The following C2 variants were observed in gnomAD, a reference collection of about 807,000 sequenced individuals.
The protein encoded by C2 is C3/C5 convertase.
A neutral mutation model predicts 85.2 loss-of-function variants in C2; 64 were observed. The observed-to-expected ratio is 0.75, with a 90% CI of 0.61 to 0.92. The LOEUF (loss-of-function observed/expected upper bound fraction) is 0.92. Among genes scored for constraint, C2 ranks in the 40% least tolerant of loss-of-function variants. The probability of loss-of-function intolerance (pLI) is 0.00; values close to 1 mark genes in which losing one functional copy is unlikely to be tolerated. For synonymous variants in C2, 311 were observed against 370.8 expected, an observed-to-expected ratio of 0.84 and a Z score of 1.85; for missense variants, 820 against 971.6, an observed-to-expected ratio of 0.84 and a Z score of 2.07.
In C2 at chr6:31,945,398, C is replaced by T. The variant is rs776056146; in HGVS notation, c.*41C>T. The T allele has an allele frequency of 1.6e-5, 25 of 1,585,292 alleles. No homozygotes were observed. The highest frequency in any genetic ancestry group is 3.3e-5 in the Admixed American group (2 of 59,966). ...CCTCTGCTGCCCTGCCAGAATCTGC[C>T]GCCCCTCCATCTTCTACCTCTGAAT... On this transcript the variant is annotated 3_prime_UTR_variant, in exon 18 of 18. Transcript: ENST00000299367. The surrounding 1 kb of genome is among the most constrained non-coding windows in gnomAD (Gnocchi z 5.3).
Position 31,933,395 on chromosome 6 carries a change from A to T in C2, c.443-215A>T, listed in dbSNP as rs574506071. 2.6e-5 allele frequency among the ~76,000 whole-genome samples: 4 copies of T among 152,260 alleles called. No homozygotes were observed. In the South Asian group the frequency reaches 8.3e-4, roughly 32 times the overall value. Reference sequence around the variant, plus strand: ...TAGCCGTTTTGATGGGTGTGTAGGGATGCCTCACTGTGGTTTATGAAATAT... The same window carrying T: ...TAGCCGTTTTGATGGGTGTGTAGGGTTGCCTCACTGTGGTTTATGAAATAT... On this transcript the variant is annotated intron_variant, in intron 3 of 17. Transcript: ENST00000299367.
chr6:31,931,589 C>A (rs1475917924), intron 3 of C2, among the ~76,000 whole-genome samples: 1 of 152,004 alleles, frequency 6.6e-6, no homozygotes, highest in African/African-American at 2.4e-5. Flanking sequence ...GGTAAGGTCA[C>A]CGATCAACAG....
chr6:31,915,260 C>T (rs574388586), upstream of C2, among the ~76,000 whole-genome samples: 8 of 152,170 alleles, frequency 5.3e-5, no homozygotes, highest in Non-Finnish European at 8.8e-5. Context: ...TCTCCTTCCT[C>T]CCTGGTCTAG....
Position 31,943,018 on chromosome 6 carries a change from G to A in C2, c.1279G>A (p.Gly427Arg). 1 of 1,613,076 alleles carries A rather than the reference G, an allele frequency of 6.2e-7. No individual in the cohort carries two copies. The highest frequency in any genetic ancestry group is 8.5e-7 in the Non-Finnish European group (1 of 1,180,024). The change falls in exon 10 of 18, where the codon GGG becomes AGG. Residue 427 changes from glycine (G) to arginine (R), a missense_variant. Coordinates refer to ENST00000299367, the MANE Select transcript of C2 (RefSeq NM_000063.6). The surrounding 1 kb of genome is among the most constrained non-coding windows in gnomAD (Gnocchi z 6.4). ...GGACTGGAGAGAACTGAATGAGCTAGGGTCCAAGAAGGATGGTGAGAGGCA... is the reference window on the plus strand; with the variant it reads ...GGACTGGAGAGAACTGAATGAGCTAAGGTCCAAGAAGGATGGTGAGAGGCA... ...DVDWRELNELGSKKDGERHAF... is the reference protein window; with the variant it reads ...DVDWRELNELRSKKDGERHAF...
At chr6:31,912,751 A>G (rs1582028037) in intron 1 of C2, among the ~76,000 whole-genome samples, 1 of 151,822 alleles carries the variant, frequency 6.6e-6, no homozygotes, top group East Asian at 1.9e-4. Flanking sequence ...GAGGCAGGAG[A>G]ATCGCTTGAA....
intron 9 of C2, chr6:31,941,793 CCA>C (rs917481173): frequency 7.2e-5 from 11 of 151,866 alleles, no homozygotes; most frequent in African/African-American, 2.7e-4. Flanking sequence ...GCATGAGTCA[CCA>C]CCATGCCCAG....
Position 31,904,987 on chromosome 6 carries a change from A to T in C2, c.73+3848A>T, listed in dbSNP as rs1767621963. Among the ~76,000 whole-genome samples the T allele has an allele frequency of 6.6e-6, 1 of 152,006 alleles. No individual in the cohort carries two copies. The highest frequency in any genetic ancestry group is 1.5e-5 in the Non-Finnish European group (1 of 68,014). ...GAGAGATGATGTGGAGCCATTTCCC[A>T]TGCATCCCATCCAGGGGGTTTACAA... On this transcript the variant is annotated intron_variant, in intron 1 of 3. Transcript: ENST00000452202. This position sits in a 1 kb window ranked among gnomAD's most constrained non-coding sequence, Gnocchi z 4.4.
At chr6:31,929,779 T>C (rs533734750) in intron 3 of C2, among the ~76,000 whole-genome samples, 1 of 148,328 alleles carries the variant, frequency 6.7e-6, no homozygotes, top group South Asian at 2.1e-4. Context: ...ATCCCAGCAC[T>C]TTGGGAGGCT....
Position 31,927,839 on chromosome 6 carries a change from G to C in C2, c.46+41G>C, listed in dbSNP as rs1459067068. 3.1e-6 allele frequency: 5 copies of C among 1,604,742 alleles called. No individual in the cohort carries two copies. In the African/African-American group the frequency reaches 5.4e-5, roughly 17 times the overall value. On this transcript the variant is annotated intron_variant, in intron 1 of 17. Coordinates refer to ENST00000299367, the MANE Select transcript of C2 (RefSeq NM_000063.6). The surrounding 1 kb of genome is among the most constrained non-coding windows in gnomAD (Gnocchi z 4.7). ...GGGGGAACGTCAGGGTCCTGTGTGT[G>C]AGGTTGGTGCTCCCAGCTTGAATTC... is the stretch of plus-strand genomic sequence containing the variant.
At chr6:31,915,970 C>A (rs1312393210), upstream of C2, among the ~76,000 whole-genome samples, 2 of 152,222 alleles carry the variant, frequency 1.3e-5, no homozygotes, top group African/African-American at 2.4e-5. Flanking sequence ...CGTGTCACAG[C>A]GTTCCTACCC....
chr6:31,912,724 C>T (rs1768198356), intron 1 of C2, among the ~76,000 whole-genome samples: 1 of 151,856 alleles, frequency 6.6e-6, no homozygotes, highest in Admixed American at 6.6e-5. Flanking sequence ...CCTGTAATCC[C>T]AGCTACTCAG....
chr6:31,938,897 C>T (rs1486885980), intron 8 of C2, among the ~76,000 whole-genome samples: 1 of 152,184 alleles, frequency 6.6e-6, no homozygotes, highest in African/African-American at 2.4e-5. Context: ...AGGTGATCCA[C>T]CTGCCTTGGC....
At chr6:31,930,465 C>T (rs1353754924) in intron 3 of C2, among the ~76,000 whole-genome samples, 1 of 152,196 alleles carries the variant, frequency 6.6e-6, no homozygotes, top group Non-Finnish European at 1.5e-5. Flanking sequence ...ATCTTCCTAC[C>T]TCAGCCTCCT....
intron 3 of C2, among the ~76,000 whole-genome samples, chr6:31,931,167 T>G (rs1316403883): frequency 3.3e-5 from 5 of 152,260 alleles, no homozygotes; most frequent in Non-Finnish European, 2.9e-5. Context: ...AGTATTCCAT[T>G]ATATGGGTAT....
At chr6:31,931,051 C>T (rs796914084) in intron 3 of C2, among the ~76,000 whole-genome samples, 3 of 152,150 alleles carry the variant, frequency 2.0e-5, no homozygotes, top group Non-Finnish European at 2.9e-5. Context: ...TGGAATCATG[C>T]GGGATGTGGT....
chr6:31,942,645 TA>T (rs1297196468), intron 9 of C2, among the ~76,000 whole-genome samples: 2 of 151,694 alleles, frequency 1.3e-5, no homozygotes, highest in African/African-American at 4.8e-5. Flanking sequence ...AGCCAAGACT[TA>T]AAAAGGTACG....
intron 7 of C2, 182 bp downstream of exon 7, chr6:31,936,243 A>G (rs757480451): frequency 4.7e-5 from 31 of 654,444 alleles, no homozygotes; most frequent in Non-Finnish European, 7.6e-5. Context: ...CCCCCAGCTC[A>G]TAGCTCATTC....
intron 1 of C2, among the ~76,000 whole-genome samples, chr6:31,905,596 T>C (rs1360490574): frequency 8.7e-6 from 1 of 115,458 alleles, no homozygotes. Context: ...GCGAGACACC[T>C]GTCTCAAAAA....
At chr6:31,906,724 C>T (rs1767735900) in intron 1 of C2, among the ~76,000 whole-genome samples, 1 of 151,874 alleles carries the variant, frequency 6.6e-6, no homozygotes, top group African/African-American at 2.4e-5. Flanking sequence ...CCAGGCCTGC[C>T]TGTGTCCCTG....
Sources: allele counts gnomAD v4.1 joint callset (sites outside exome capture counted in the v4.1 genomes callset), GRCh38; gene constraint gnomAD v4.1.1; non-coding constraint Gnocchi (gnomAD v3.1); transcripts MANE v1.5; gene names NCBI Gene and HGNC (gene_info 2026-07-23, HGNC 2026-07-21).